Variants in PARP9 observed in about 807,000 individuals in gnomAD.
PARP9 encodes protein mono-ADP-ribosyltransferase PARP9.
In PARP9, 48 loss-of-function variants were observed where a neutral mutation model predicts 68.8. The observed-to-expected ratio is 0.70, with a 90% CI of 0.55 to 0.89. The LOEUF (loss-of-function observed/expected upper bound fraction) is 0.89, where lower values mean the gene tolerates loss of function less well. Ranked by LOEUF, PARP9 falls within the 40% of genes least tolerant of loss-of-function variation. PARP9 has a pLI of 0.00. For synonymous variants in PARP9, 309 were observed against 333.8 expected (o/e 0.93, Z 0.81); for missense variants, 806 against 969.3 (o/e 0.83, Z 2.24).
At chr3:122,534,270 T>A in intron 10 of PARP9, 1 of 953,146 alleles carries the variant, frequency 1.0e-6, no homozygotes. Context: ...CAAGCCTGGT[T>A]GCAACAGCCT....
chr3:122,540,106 TAA>T (rs2078079683), intron 8 of PARP9, among the ~76,000 whole-genome samples: 1 of 152,180 alleles, frequency 6.6e-6, no homozygotes, highest in South Asian at 2.1e-4. Flanking sequence ...ATAAAAGAAA[TAA>T]GTTAATCAGA....
At chr3:122,547,160 T>C (rs1178115288) in intron 6 of PARP9, among the ~76,000 whole-genome samples, 3 of 142,538 alleles carry the variant, frequency 2.1e-5, no homozygotes, top group African/African-American at 7.9e-5. Flanking sequence ...AGTGGTGCAA[T>C]CTCGGGTCAC....
rs1439189564 is a variant in PARP9 at position 122,540,572 on chromosome 3, C to T, written c.1665G>A (p.Arg555=). The change falls in exon 8 of 11, where the codon CGG becomes CGA. Residue 555 remains arginine, a synonymous_variant. Coordinates refer to ENST00000682323, the MANE Select transcript of PARP9 (RefSeq NM_001146105.2). ...GRTELEIEGA[R]ADLIEVVMNI... The stretch of plus-strand genomic sequence containing the variant: ...TCATAACCACCTCAATGAGGTCAGC[C>T]CGGGCTCCTTCAATCTCTAACTCTG... The T allele has an allele frequency of 6.8e-6, 11 of 1,614,180 alleles. No homozygotes were observed. Among genetic ancestry groups the T allele is most frequent in the East Asian group, 2.2e-5 (1 of 44,892 alleles).
At chr3:122,552,251 A>C (rs2079264812) in intron 5 of PARP9, among the ~76,000 whole-genome samples, 167 bp downstream of exon 5, 1 of 152,158 alleles carries the variant, frequency 6.6e-6, no homozygotes, top group African/African-American at 2.4e-5. Context: ...ACTTATGGCA[A>C]CTGTACCTGT....
rs2077067640 is a variant in PARP9 at position 122,528,173 on chromosome 3, C to A, written c.*191G>T. 6.4e-6 allele frequency: 4 copies of A among 621,718 alleles called. No homozygotes were observed. The highest frequency in any genetic ancestry group is 5.9e-5 in the South Asian group (2 of 33,704). 38.5% of individuals were successfully genotyped at this position (621,718 alleles called of 1,614,324 possible). A position where few individuals can be genotyped will look rare whatever the true frequency, so the allele number is the denominator to read the frequency against. On this transcript the variant is annotated 3_prime_UTR_variant, in exon 11 of 11. Transcript: ENST00000682323. ...AGTGTTTCATTTGGTATCTACCTAC[C>A]CCAACCCCAAGACATAAAGACAGAT...
At chr3:122,536,028 G>T (rs2077613184) in intron 10 of PARP9, 140 bp downstream of exon 10, 2 of 1,535,882 alleles carry the variant, frequency 1.3e-6, no homozygotes, top group Non-Finnish European at 1.8e-6. Context: ...TTGTGACCTG[G>T]GTCATCATTT....
chr3:122,549,866 G>C (rs1465349572), intron 6 of PARP9, among the ~76,000 whole-genome samples: 1 of 152,110 alleles, frequency 6.6e-6, no homozygotes, highest in East Asian at 1.9e-4. Context: ...AGATCCAAGT[G>C]GAAATGAGAG....
At position 122,528,577 on chromosome 3, in the gene PARP9, CAGT is replaced by C. The variant is rs758637596; in HGVS notation, c.2244_2246del (p.Leu749del). On this transcript the variant is annotated inframe_deletion, in exon 11 of 11. Coordinates refer to ENST00000682323, the MANE Select transcript of PARP9 (RefSeq NM_001146105.2). ...CATGACCATCTATAGCTCCAGGACTCAGTGGTGGGGGAACAATATTTAACGGAT... is the reference window on the plus strand; with the variant it reads ...CATGACCATCTATAGCTCCAGGACTCGGTGGGGGAACAATATTTAACGGAT... 22 of 1,614,030 alleles carry C rather than the reference CAGT, an allele frequency of 1.4e-5. 2 individuals are homozygous for C. The South Asian group carries it at 2.3e-4, about 17-fold the overall frequency.
intron 8 of PARP9, 55 bp downstream of exon 8, chr3:122,540,417 A>T: frequency 6.3e-7 from 1 of 1,590,022 alleles, no homozygotes. Flanking sequence ...GCTCACACCC[A>T]AAAGAAGAAA....
chr3:122,542,420 T>A (rs1224345613), intron 7 of PARP9, among the ~76,000 whole-genome samples: 1 of 151,792 alleles, frequency 6.6e-6, no homozygotes, highest in African/African-American at 2.4e-5. Flanking sequence ...ACTAATTTTT[T>A]TTTTGAGACA....
chr3:122,530,574 C>T (rs1052975622), intron 10 of PARP9, among the ~76,000 whole-genome samples: 1 of 152,128 alleles, frequency 6.6e-6, no homozygotes, highest in Non-Finnish European at 1.5e-5. Flanking sequence ...TTCTGGATCT[C>T]GAAGTAATCC....
rs2107710951 is a variant in PARP9, at chr3:122,555,878, T to C, written c.293A>G (p.Asp98Gly). Residue 98 changes from aspartate (D) to glycine (G), a missense_variant, in exon 4 of 11, where the codon GAT becomes GGT. Physicochemically the swap from Asp to Gly is moderately conservative, Grantham distance 94 (BLOSUM62 -1). Around this residue, in one of 2 missense-constraint regions of PARP9, gnomAD observed 126 missense variants for 110.5 expected, o/e 1.14. Transcript: ENST00000682323. ...TTCATTGGCTGCATTCACCACAGCA[T>C]CAACAGCATGTGTGGTGAGGTCATC... ...WKDDLTTHAV[D>G]AVVNAANEDL... 1 of 1,614,028 alleles carries C rather than the reference T, an allele frequency of 6.2e-7. No homozygotes were observed. Among genetic ancestry groups the C allele is most frequent in the Non-Finnish European group, 8.5e-7 (1 of 1,179,988 alleles).
chr3:122,555,668 T>C lies in PARP9; in HGVS notation c.503A>G (p.Glu168Gly). ...TCCAGTACATCCCTGTTTATCCCAT[T>C]CCATCCACCGAGGCCCAACAGCATG... ...IIHAVGPRWMEWDKQGCTGKL... is the reference protein window; with the variant it reads ...IIHAVGPRWMGWDKQGCTGKL... Residue 168 changes from glutamate (E) to glycine (G), a missense_variant, in exon 4 of 11, where the codon GAA becomes GGA. Transcript: ENST00000682323. 1 of 1,614,052 alleles carries C rather than the reference T, an allele frequency of 6.2e-7. No homozygotes were observed. Among genetic ancestry groups the C allele is most frequent in the Non-Finnish European group, 8.5e-7 (1 of 1,180,000 alleles).
chr3:122,564,399 C>G, upstream of PARP9: 8 of 1,587,836 alleles, frequency 5.0e-6, no homozygotes, highest in Non-Finnish European at 6.8e-6. Flanking sequence ...CCTCCCGGAG[C>G]CCCCGCGCCC....
At chr3:122,547,741 T>C (rs766412678) in intron 6 of PARP9, among the ~76,000 whole-genome samples, 3 of 151,942 alleles carry the variant, frequency 2.0e-5, no homozygotes, top group Non-Finnish European at 2.9e-5. Context: ...TAGGTCTAAC[T>C]ACTCAGGAGG....
chr3:122,528,564 T>C lies in PARP9; in HGVS notation c.2260A>G (p.Ile754Val), dbSNP rs1402926061. ...TCAACCACACTGTCATGACCATCTA[T>C]AGCTCCAGGACTCAGTGGTGGGGGA... ...IVPPPLSPGA[I>V]DGHDSVVDNV... The change falls in exon 11 of 11, where the codon ATA (isoleucine) becomes GTA (valine). Residue 754 changes from isoleucine to valine, a missense_variant. Ile to Val is a conservative substitution (Grantham distance 29). Coordinates refer to ENST00000682323, the MANE Select transcript of PARP9 (RefSeq NM_001146105.2). 4 of 1,614,070 alleles carry C rather than the reference T, an allele frequency of 2.5e-6. No homozygotes were observed. Among genetic ancestry groups the C allele is most frequent in the Non-Finnish European group, 2.5e-6 (3 of 1,180,028 alleles).
chr3:122,536,470 T>A, intron 9 of PARP9, 128 bp from the exon 10 acceptor site: 1 of 1,437,138 alleles, frequency 7.0e-7, no homozygotes, highest in Non-Finnish European at 9.1e-7. Flanking sequence ...TCGCTTTTCA[T>A]AGAAAGTTGC....
intron 10 of PARP9, 114 bp downstream of exon 10, chr3:122,536,054 C>T: frequency 6.3e-7 from 1 of 1,580,818 alleles, no homozygotes; most frequent in East Asian, 2.3e-5. Context: ...CTCTAAATCA[C>T]AGTCACAAAT....
intron 4 of PARP9, 68 bp from the exon 5 acceptor site, chr3:122,552,707 T>C (rs2079308595): frequency 8.2e-7 from 1 of 1,215,954 alleles, no homozygotes; most frequent in East Asian, 2.4e-5. Context: ...ATTTAAATCT[T>C]TACTTCCCTG....
Sources: allele counts gnomAD v4.1 joint callset (sites outside exome capture counted in the v4.1 genomes callset), GRCh38; gene constraint gnomAD v4.1.1; regional missense constraint gnomAD v4.1.1; transcripts MANE v1.5; gene names NCBI Gene and HGNC (gene_info 2026-07-23, HGNC 2026-07-21).